RALGAPA1: variants seen among roughly 807,000 people sequenced by gnomAD.
RALGAPA1 encodes ral GTPase-activating protein subunit alpha-1.
A neutral mutation model predicts 269.6 loss-of-function variants in RALGAPA1; 52 were observed. That is an observed-to-expected ratio of 0.19 (90% confidence interval 0.15 to 0.24). The LOEUF is 0.24. Among genes scored for constraint, RALGAPA1 ranks in the 10% least tolerant of loss-of-function variants. RALGAPA1 has a pLI of 1.00. For missense variants in RALGAPA1, 1,917 were observed against 3,013.9 expected (o/e 0.64, Z 8.52); for synonymous variants, 817 against 1,008.3 (o/e 0.81, Z 3.60).
chr14:35,642,080 T>C (rs1426993868), intron 31 of RALGAPA1, among the ~76,000 whole-genome samples: 2 of 152,156 alleles, frequency 1.3e-5, no homozygotes, highest in African/African-American at 4.8e-5. Flanking sequence ...ACTCCTGCCA[T>C]ATATAAAAAT....
At chr14:35,772,073 G>A (rs1036929845) in intron 3 of RALGAPA1, among the ~76,000 whole-genome samples, 10 of 151,898 alleles carry the variant, frequency 6.6e-5, no homozygotes, top group Non-Finnish European at 1.0e-4. Context: ...TTTTTTTTAA[G>A]AGGTGGGGGT....
intron 4 of RALGAPA1, among the ~76,000 whole-genome samples, chr14:35,769,065 T>TATATATATATATATATATATAC (rs1237249622): frequency 1.3e-5 from 1 of 77,796 alleles, no homozygotes; most frequent in African/African-American, 4.6e-5. Context: ...TATATATATA[T>TATATATATATATATATATATAC]ACACACACAT....
chr14:35,748,015 T>TATCATA (rs2072286233), intron 10 of RALGAPA1, among the ~76,000 whole-genome samples: 1 of 152,082 alleles, frequency 6.6e-6, no homozygotes, highest in Non-Finnish European at 1.5e-5. Context: ...TCCCTTCTTA[T>TATCATA]ATCATAAACC....
At chr14:35,799,135 T>A (rs2076790110) in intron 1 of RALGAPA1, among the ~76,000 whole-genome samples, 1 of 152,084 alleles carries the variant, frequency 6.6e-6, no homozygotes, top group African/African-American at 2.4e-5. Context: ...GCTGATAACA[T>A]GATAAGTAAA....
At chr14:35,770,732 A>G (rs2074547623) in intron 4 of RALGAPA1, among the ~76,000 whole-genome samples, 1 of 152,146 alleles carries the variant, frequency 6.6e-6, no homozygotes. Flanking sequence ...TAAAGGAAGC[A>G]GTGGATCCAA....
intron 33 of RALGAPA1, among the ~76,000 whole-genome samples, chr14:35,631,356 C>T (rs2061349103): frequency 6.6e-6 from 1 of 151,806 alleles, no homozygotes; most frequent in Non-Finnish European, 1.5e-5. Context: ...ATTTATTTTT[C>T]TCTCTGTATA....
intron 16 of RALGAPA1, chr14:35,707,102 G>A (rs1336675950): frequency 1.3e-5 from 2 of 152,104 alleles, no homozygotes; most frequent in Non-Finnish European, 2.9e-5. Flanking sequence ...GATTTTTGAT[G>A]CTAATGTAAA....
intron 27 of RALGAPA1, among the ~76,000 whole-genome samples, chr14:35,663,877 C>T (rs183046331): frequency 1.9e-4 from 29 of 152,220 alleles, no homozygotes; most frequent in African/African-American, 6.7e-4. Flanking sequence ...AGGTGTGAGC[C>T]ACTGCGCCCA....
chr14:35,656,530 C>T (rs556009515), intron 28 of RALGAPA1, among the ~76,000 whole-genome samples: 27 of 152,232 alleles, frequency 1.8e-4, no homozygotes, highest in African/African-American at 6.3e-4. Context: ...TGATTAGAAT[C>T]AGTAAGGATT....
At chr14:35,794,856 A>T (rs2076447190) in intron 1 of RALGAPA1, among the ~76,000 whole-genome samples, 1 of 152,238 alleles carries the variant, frequency 6.6e-6, no homozygotes, top group Non-Finnish European at 1.5e-5. Context: ...AAGATATTTT[A>T]CTCAGAAAGA....
chr14:35,742,066 T>C (rs1290116001), intron 11 of RALGAPA1, among the ~76,000 whole-genome samples: 1 of 152,222 alleles, frequency 6.6e-6, no homozygotes. Flanking sequence ...AAATCCATTT[T>C]GATGTAGTAC....
At chr14:35,617,544 G>A (rs765039145) in intron 35 of RALGAPA1, among the ~76,000 whole-genome samples, 3 of 149,774 alleles carry the variant, frequency 2.0e-5, no homozygotes, top group Non-Finnish European at 4.4e-5. Context: ...CTTGAACCCC[G>A]AAGGCGGAGG....
At chr14:35,788,859 T>C (rs969809723) in intron 1 of RALGAPA1, among the ~76,000 whole-genome samples, 2 of 152,196 alleles carry the variant, frequency 1.3e-5, no homozygotes, top group Non-Finnish European at 2.9e-5. Context: ...TTAATGTCTT[T>C]TCTATCATTG....
Position 35,644,227 on chromosome 14 carries a change from C to T in RALGAPA1, c.5676+7578G>A, listed in dbSNP as rs567213980. ...GATGGGGAAGATCTCTATGAACTTA[C>T]GTATTAAGGATTTCCAAGATACACT... On this transcript the variant is annotated intron_variant, in intron 31 of 41. Coordinates refer to ENST00000680220, the MANE Select transcript of RALGAPA1 (RefSeq NM_001346249.2). 9.2e-5 allele frequency among the ~76,000 whole-genome samples: 14 copies of T among 152,136 alleles called. No individual in the cohort carries two copies. The South Asian group carries it at 1.0e-3, about 11-fold the overall frequency.
chr14:35,641,896 C>T (rs1363383450), intron 31 of RALGAPA1, among the ~76,000 whole-genome samples: 1 of 152,110 alleles, frequency 6.6e-6, no homozygotes, highest in Non-Finnish European at 1.5e-5. Context: ...GGCATAAAAA[C>T]TGACACATAG....
chr14:35,686,404 TA>T, intron 19 of RALGAPA1, 137 bp downstream of exon 19: 2 of 614,914 alleles, frequency 3.3e-6, no homozygotes, highest in South Asian at 5.1e-5. Context: ...TCTTAATTCA[TA>T]AAAAGGGTTA....
At chr14:35,595,909 C>T in intron 36 of RALGAPA1, 120 bp from the exon 37 acceptor site, 1 of 694,978 alleles carries the variant, frequency 1.4e-6, no homozygotes, top group South Asian at 1.9e-5. Flanking sequence ...ATGTTATCAA[C>T]CAATATTTAA....
At position 35,715,806 on chromosome 14, in the gene RALGAPA1, C is replaced by T. The variant is rs181886371; in HGVS notation, c.2266+5882G>A. 644 of 985,360 alleles carry T rather than the reference C, an allele frequency of 6.5e-4. 4 individuals carry two copies. In the Admixed American group the frequency reaches 6.6e-3, roughly 10 times the overall value. The allele number at this position is 985,360 out of a possible 1,614,324, so 61.0% of individuals were successfully genotyped here. On this transcript the variant is annotated intron_variant, in intron 16 of 41. Coordinates refer to ENST00000680220, the MANE Select transcript of RALGAPA1 (RefSeq NM_001346249.2). ...AGCTTGCTCAAGTCTCAGTCTGAAT[C>T]CCAGAAGTGATTATCAGCAATTTGC... is the stretch of plus-strand genomic sequence containing the variant.
chr14:35,621,592 G>A (rs1055095995), intron 35 of RALGAPA1, among the ~76,000 whole-genome samples: 13 of 152,104 alleles, frequency 8.5e-5, no homozygotes, highest in African/African-American at 3.1e-4. Context: ...CAGAATGGAA[G>A]AAAATTTTTG....
Sources: allele counts gnomAD v4.1 joint callset (sites outside exome capture counted in the v4.1 genomes callset), GRCh38; gene constraint gnomAD v4.1.1; transcripts MANE v1.5; gene names NCBI Gene and HGNC (gene_info 2026-07-23, HGNC 2026-07-21).